The following DGKG variants were observed in gnomAD, a reference collection of about 807,000 sequenced individuals.
The protein encoded by DGKG is DAG kinase gamma.
A neutral mutation model predicts 105.3 loss-of-function variants in DGKG; 78 were observed. The ratio of observed to expected loss-of-function variants is 0.74; its 90% CI spans 0.62 to 0.89. The LOEUF is 0.89. Ranked by LOEUF, DGKG falls within the 40% of genes least tolerant of loss-of-function variation. The pLI is 0.00. For synonymous variants in DGKG, 346 were observed against 367.1 expected (o/e 0.94, Z 0.66); for missense variants, 958 against 1,020.1 (o/e 0.94, Z 0.83).
Position 186,147,360 on chromosome 3 carries a change from G to A in DGKG, c.*2730C>T. On this transcript the variant is annotated 3_prime_UTR_variant, in exon 25 of 25. Coordinates refer to ENST00000265022, the MANE Select transcript of DGKG (RefSeq NM_001346.3). ...TTGAGAAGTCACTAAACCTCATTAA[G>A]CCTTGTTCTCCTCATTGAGATCGAG... is the stretch of plus-strand genomic sequence containing the variant. 1 of 979,220 alleles carries A rather than the reference G, an allele frequency of 1.0e-6. No homozygotes were observed. The highest frequency in any genetic ancestry group is 1.2e-6 in the Non-Finnish European group (1 of 823,890). The allele number at this position is 979,220 out of a possible 1,614,324, so 60.7% of individuals were successfully genotyped here.
At chr3:186,204,887 T>C (rs1426400686) in intron 21 of DGKG, among the ~76,000 whole-genome samples, 1 of 152,148 alleles carries the variant, frequency 6.6e-6, no homozygotes, top group African/African-American at 2.4e-5. Context: ...CCACCAGCAG[T>C]GTCTGAGAGT....
rs893332111 is a variant in DGKG at position 186,203,085 on chromosome 3, T to C, written c.1917+8710A>G. On this transcript the variant is annotated intron_variant, in intron 21 of 24. Transcript: ENST00000265022. The surrounding 1 kb of genome is among the most constrained non-coding windows in gnomAD (Gnocchi z 4.9). ...AGGGTCATTTAAGAAAAAGAAAAAG[T>C]TTTATGTGCCAGAAACTGCAAGCAA... Among the ~76,000 whole-genome samples, 1 of 151,938 alleles carries C rather than the reference T, an allele frequency of 6.6e-6. No homozygotes were observed. The highest frequency in any genetic ancestry group is 1.5e-5 in the Non-Finnish European group (1 of 67,968).
At chr3:186,299,842 T>TTCCTTC (rs1560142127) in intron 3 of DGKG, among the ~76,000 whole-genome samples, 1 of 106,774 alleles carries the variant, frequency 9.4e-6, no homozygotes, top group African/African-American at 3.6e-5. Context: ...TCTTTCTTTT[T>TTCCTTC]TTTTTTTTTT....
chr3:186,349,281 G>A (rs535222390), intron 1 of DGKG, among the ~76,000 whole-genome samples: 45 of 152,040 alleles, frequency 3.0e-4, no homozygotes, highest in Middle Eastern at 6.8e-3. Flanking sequence ...AATAGCCTCC[G>A]TTTTCCCCTC....
chr3:186,273,367 C>CTTTT lies in DGKG; in HGVS notation c.911-1028_911-1025dup, dbSNP rs375667915. ...TGGCGCTGGGGAGACTGTTGTACCC[C>CTTTT]TTTTTTTTTTTTTTTTTTTTTTTTT... On this transcript the variant is annotated intron_variant, in intron 10 of 24. Coordinates refer to ENST00000265022, the MANE Select transcript of DGKG (RefSeq NM_001346.3). Among the ~76,000 whole-genome samples, 142 of 85,622 alleles carry CTTTT rather than the reference C, an allele frequency of 1.7e-3. 16 individuals are homozygous for CTTTT. Among genetic ancestry groups the CTTTT allele is most frequent in the Non-Finnish European group, 2.2e-3 (95 of 43,336 alleles). The allele number at this position is 85,622 out of a possible 152,430, so 56.2% of individuals were successfully genotyped here. A position where few individuals can be genotyped will look rare whatever the true frequency, so the allele number is the denominator to read the frequency against.
intron 1 of DGKG, among the ~76,000 whole-genome samples, chr3:186,335,007 T>C (rs1725763024): frequency 6.6e-6 from 1 of 152,234 alleles, no homozygotes; most frequent in Non-Finnish European, 1.5e-5. Flanking sequence ...TGATGGGGTT[T>C]GGAAACCAGA....
At chr3:186,266,996 G>A (rs559091751) in intron 13 of DGKG, among the ~76,000 whole-genome samples, 2 of 152,304 alleles carry the variant, frequency 1.3e-5, no homozygotes, top group East Asian at 3.9e-4. Context: ...TGGGAAGATG[G>A]CAAAATTAAG....
rs183610800 is a variant in DGKG at position 186,204,650 on chromosome 3, G to A, written c.1917+7145C>T. Reference sequence around the variant, plus strand: ...ATTTAACCATTTTAAAGTGTCAGTGGCATTTAGTCACACTGTCTTTTTAAA... The same window carrying A: ...ATTTAACCATTTTAAAGTGTCAGTGACATTTAGTCACACTGTCTTTTTAAA... On this transcript the variant is annotated intron_variant, in intron 21 of 24. Coordinates refer to ENST00000265022, the MANE Select transcript of DGKG (RefSeq NM_001346.3). Among the ~76,000 whole-genome samples the A allele has an allele frequency of 1.7e-4, 26 of 151,936 alleles. 1 individual carries two copies. The highest frequency in any genetic ancestry group is 9.8e-4 in the Admixed American group (15 of 15,270).
rs182935574 is a variant in DGKG at position 186,166,157 on chromosome 3, G to A, written c.2096-1139C>T. ...TTTAAAAAACAATCTCTTGACGGAT[G>A]TATTCCTAGTGAAGACAGTTAAACA... On this transcript the variant is annotated intron_variant, in intron 22 of 24. Coordinates refer to ENST00000265022, the MANE Select transcript of DGKG (RefSeq NM_001346.3). Among the ~76,000 whole-genome samples the A allele has an allele frequency of 5.9e-5, 9 of 152,360 alleles. No individual in the cohort carries two copies. The East Asian group carries it at 1.7e-3, about 29-fold the overall frequency.
chr3:186,221,253 T>C (rs1719564553), intron 20 of DGKG, among the ~76,000 whole-genome samples: 1 of 152,194 alleles, frequency 6.6e-6, no homozygotes, highest in African/African-American at 2.4e-5. Context: ...TGTCAGGGTT[T>C]TCCTTTCCTG....
At chr3:186,295,264 A>C (rs1723493304) in intron 5 of DGKG, among the ~76,000 whole-genome samples, 1 of 152,088 alleles carries the variant, frequency 6.6e-6, no homozygotes, top group African/African-American at 2.4e-5. Flanking sequence ...GCACTTTGGG[A>C]GGCCGAGGTG....
chr3:186,211,981 G>T, intron 20 of DGKG, 96 bp from the exon 21 acceptor site: 1 of 922,138 alleles, frequency 1.1e-6, no homozygotes, highest in Non-Finnish European at 1.8e-6. Flanking sequence ...CAAGCCTTCA[G>T]CAATTTCCCC....
intron 20 of DGKG, among the ~76,000 whole-genome samples, chr3:186,236,570 C>T (rs892455758): frequency 5.3e-5 from 8 of 152,224 alleles, no homozygotes; most frequent in Admixed American, 4.6e-4. Context: ...ACCCTGCTGC[C>T]TTCTTCTATA....
intron 2 of DGKG, among the ~76,000 whole-genome samples, chr3:186,315,021 T>G (rs1004798502): frequency 3.9e-5 from 6 of 152,046 alleles, no homozygotes; most frequent in African/African-American, 1.5e-4. Flanking sequence ...GTAGGCGGCA[T>G]CCCCACATGC....
intron 1 of DGKG, among the ~76,000 whole-genome samples, chr3:186,321,105 G>A (rs1725054847): frequency 6.6e-6 from 1 of 152,208 alleles, no homozygotes; most frequent in South Asian, 2.1e-4. Context: ...GATAGCTCTG[G>A]TGAGCCATTC....
chr3:186,329,268 T>C (rs920674135), intron 1 of DGKG, among the ~76,000 whole-genome samples: 8 of 152,216 alleles, frequency 5.3e-5, no homozygotes, highest in African/African-American at 1.7e-4. Context: ...CTCAGTTTCC[T>C]TGTCTATGAA....
At chr3:186,271,181 C>T (rs1037752852) in intron 11 of DGKG, among the ~76,000 whole-genome samples, 20 of 152,326 alleles carry the variant, frequency 1.3e-4, no homozygotes, top group African/African-American at 4.8e-4. Flanking sequence ...AGGCTAAGTG[C>T]CCTTCCCCTG....
chr3:186,246,094 C>A (rs1034554300), intron 19 of DGKG, among the ~76,000 whole-genome samples: 1 of 152,162 alleles, frequency 6.6e-6, no homozygotes, highest in Non-Finnish European at 1.5e-5. Flanking sequence ...GCCTCAGCCT[C>A]CCAAGTAGCT....
At position 186,219,620 on chromosome 3, in the gene DGKG, C is replaced by G. The variant is rs4686413; in HGVS notation, c.1827-7735G>C. 8.5e-5 allele frequency among the ~76,000 whole-genome samples: 13 copies of G among 152,146 alleles called. No individual in the cohort carries two copies. The East Asian group carries it at 2.5e-3, about 29-fold the overall frequency. On this transcript the variant is annotated intron_variant, in intron 20 of 24. Transcript: ENST00000265022. Reference sequence around the variant, plus strand: ...GCTTGTTTCCATACTTGGGACAAGACTGGTGTTCATGGCACTCAGAAAAAT... The same window carrying G: ...GCTTGTTTCCATACTTGGGACAAGAGTGGTGTTCATGGCACTCAGAAAAAT...
Sources: gnomAD v4.1 joint callset for allele counts (sites outside exome capture counted in the v4.1 genomes callset) on GRCh38, gnomAD v4.1.1 for gene constraint, Gnocchi (gnomAD v3.1) non-coding constraint, MANE v1.5 for transcripts, NCBI Gene and HGNC (gene_info 2026-07-23, HGNC 2026-07-21) for gene names.